The following PPP1R1C variants were observed in gnomAD, a reference collection of about 807,000 sequenced individuals.
The protein encoded by PPP1R1C is protein phosphatase 1 regulatory subunit 1C.
A neutral mutation model predicts 17.4 loss-of-function variants in PPP1R1C; 15 were observed. The ratio of observed to expected loss-of-function variants is 0.86; its 90% CI spans 0.58 to 1.33. The LOEUF (loss-of-function observed/expected upper bound fraction) is 1.33. PPP1R1C is among the 40% of genes most tolerant of loss of function. The probability of loss-of-function intolerance (pLI) is 0.00; values close to 1 mark genes in which losing one functional copy is unlikely to be tolerated. For synonymous variants in PPP1R1C, 35 were observed against 43.1 expected (o/e 0.81, Z 0.73); for missense variants, 143 against 130.0 (o/e 1.10, Z -0.48).
chr2:182,021,065 T>G (rs1195458415), intron 2 of PPP1R1C, among the ~76,000 whole-genome samples: 1 of 152,194 alleles, frequency 6.6e-6, no homozygotes. Context: ...GGGTGACTTC[T>G]CTTTCTCAAT....
intron 2 of PPP1R1C, among the ~76,000 whole-genome samples, chr2:182,040,865 A>C (rs1301180295): frequency 1.3e-5 from 2 of 152,084 alleles, no homozygotes; most frequent in African/African-American, 4.8e-5. Flanking sequence ...TTTTCTCTAC[A>C]TGTGGCTTGC....
intron 4 of PPP1R1C, among the ~76,000 whole-genome samples, chr2:182,077,285 G>A (rs1292634011): frequency 9.9e-5 from 15 of 150,972 alleles, no homozygotes; most frequent in Admixed American, 9.2e-4. Context: ...GATACATTTT[G>A]TGAGAGCTGA....
At chr2:182,093,391 G>A (rs1688844128) in intron 4 of PPP1R1C, among the ~76,000 whole-genome samples, 1 of 152,180 alleles carries the variant, frequency 6.6e-6, no homozygotes, top group Non-Finnish European at 1.5e-5. Flanking sequence ...TGATGGGAAA[G>A]GCTGCTGAAA....
intron 2 of PPP1R1C, among the ~76,000 whole-genome samples, chr2:182,050,219 T>C (rs747549311): frequency 4.6e-5 from 7 of 152,240 alleles, no homozygotes; most frequent in Non-Finnish European, 8.8e-5. Flanking sequence ...TAGTTTTATA[T>C]AGATTATCCC....
intron 4 of PPP1R1C, among the ~76,000 whole-genome samples, chr2:182,067,111 G>A (rs1688007558): frequency 6.6e-6 from 1 of 151,968 alleles, no homozygotes; most frequent in South Asian, 2.1e-4. Flanking sequence ...GTAGAGCAGG[G>A]CCTATTAGTA....
chr2:182,003,687 A>ATGTG (rs113337793), intron 2 of PPP1R1C, among the ~76,000 whole-genome samples: 78,682 of 149,478 alleles, frequency 0.53, 21,650 homozygotes, highest in East Asian at 0.66. Flanking sequence ...TTTTTGCTGG[A>ATGTG]TGTGTGTGTG....
At chr2:182,012,800 T>C (rs1044412089) in intron 2 of PPP1R1C, among the ~76,000 whole-genome samples, 1 of 152,106 alleles carries the variant, frequency 6.6e-6, no homozygotes, top group African/African-American at 2.4e-5. Context: ...TCATGAGGCT[T>C]GCCAATAACA....
chr2:182,018,291 A>C (rs908315206), intron 2 of PPP1R1C, among the ~76,000 whole-genome samples: 1 of 152,224 alleles, frequency 6.6e-6, no homozygotes, highest in African/African-American at 2.4e-5. Context: ...TAAGGAAACA[A>C]GACAAGGAAA....
chr2:182,076,474 C>T (rs1688315659), intron 4 of PPP1R1C, among the ~76,000 whole-genome samples: 1 of 151,380 alleles, frequency 6.6e-6, no homozygotes, highest in African/African-American at 2.4e-5. Context: ...CTTGTTCCTG[C>T]CTTTGATGTT....
Position 181,986,065 on chromosome 2 carries a change from A to G in PPP1R1C, c.-46A>G. 1 of 1,451,744 alleles carries G rather than the reference A, an allele frequency of 6.9e-7. No homozygotes were observed. The highest frequency in any genetic ancestry group is 9.7e-7 in the Non-Finnish European group (1 of 1,031,948). The allele number at this position is 1,451,744 out of a possible 1,614,324, so 89.9% of individuals were successfully genotyped here. A position where few individuals can be genotyped will look rare whatever the true frequency, so the allele number is the denominator to read the frequency against. Reference sequence around the variant, plus strand: ...CACATCCCGGACACCACTTAGGGTTAGTCTTTCTGAGCTCTTCACATCTCT... The same window carrying G: ...CACATCCCGGACACCACTTAGGGTTGGTCTTTCTGAGCTCTTCACATCTCT... On this transcript the variant is annotated 5_prime_UTR_variant, in exon 1 of 5. Transcript: ENST00000682840.
chr2:182,054,236 C>T (rs1241336445), intron 2 of PPP1R1C, among the ~76,000 whole-genome samples: 5 of 152,138 alleles, frequency 3.3e-5, no homozygotes, highest in Non-Finnish European at 4.4e-5. Flanking sequence ...TGGAGAGGTT[C>T]CAGGTTCCTT....
intron 4 of PPP1R1C, among the ~76,000 whole-genome samples, chr2:182,067,798 G>A (rs766926578): frequency 5.3e-5 from 8 of 152,110 alleles, no homozygotes; most frequent in Non-Finnish European, 1.2e-4. Flanking sequence ...AAGGGTAAAG[G>A]GAAGTTTTAT....
intron 1 of PPP1R1C, among the ~76,000 whole-genome samples, chr2:181,972,439 A>T (rs1166923010): frequency 6.6e-6 from 1 of 152,198 alleles, no homozygotes; most frequent in Non-Finnish European, 1.5e-5. Flanking sequence ...TATGTGGACA[A>T]TAAACGTGTA....
chr2:182,091,777 C>T (rs1688789120), intron 4 of PPP1R1C, among the ~76,000 whole-genome samples: 2 of 152,132 alleles, frequency 1.3e-5, no homozygotes, highest in African/African-American at 4.8e-5. Context: ...ATATACCTCA[C>T]CTATTTGTTC....
chr2:182,117,060 A>G (rs539466647), intron 4 of PPP1R1C, 147 bp from the exon 5 acceptor site: 14 of 642,384 alleles, frequency 2.2e-5, no homozygotes, highest in Non-Finnish European at 3.3e-5. Flanking sequence ...AAAGGTTTAT[A>G]TAGGATTACA....
intron 1 of PPP1R1C, among the ~76,000 whole-genome samples, chr2:181,973,031 A>G (rs1000930931): frequency 1.3e-5 from 2 of 152,190 alleles, no homozygotes; most frequent in African/African-American, 4.8e-5. Context: ...AAGAAATCGT[A>G]AGAACAGATG....
intron 4 of PPP1R1C, among the ~76,000 whole-genome samples, chr2:182,074,332 C>T (rs1443012810): frequency 2.6e-5 from 4 of 152,092 alleles, no homozygotes; most frequent in East Asian, 1.9e-4. Context: ...TGAGACACTG[C>T]GCCCAGCCAA....
chr2:181,980,329 A>C (rs1685169974), intron 2 of PPP1R1C, among the ~76,000 whole-genome samples: 1 of 152,242 alleles, frequency 6.6e-6, no homozygotes, highest in African/African-American at 2.4e-5. Context: ...AAAGGTACCA[A>C]AACAAATGAA....
chr2:182,033,247 G>T (rs1686899528), intron 2 of PPP1R1C, among the ~76,000 whole-genome samples: 1 of 152,096 alleles, frequency 6.6e-6, no homozygotes, highest in Non-Finnish European at 1.5e-5. Flanking sequence ...TCTTTCTAGA[G>T]CTTGTAATAC....
Sources: gnomAD v4.1 joint callset for allele counts (sites outside exome capture counted in the v4.1 genomes callset) on GRCh38, gnomAD v4.1.1 for gene constraint, MANE v1.5 for transcripts, NCBI Gene and HGNC (gene_info 2026-07-23, HGNC 2026-07-21) for gene names.